The following PAQR9 variants were observed in gnomAD, a reference collection of about 807,000 sequenced individuals.
The protein encoded by PAQR9 is membrane progestin receptor epsilon.
Under a neutral mutation model 24.0 loss-of-function variants are expected in PAQR9, and 12 were observed. The ratio of observed to expected loss-of-function variants is 0.50; its 90% CI spans 0.32 to 0.81. PAQR9 has a LOEUF of 0.81. Among genes scored for constraint, PAQR9 ranks in the 30% least tolerant of loss-of-function variants. The pLI is 0.03. For synonymous variants in PAQR9, 266 were observed against 237.6 expected, an observed-to-expected ratio of 1.12 and a Z score of -1.10; for missense variants, 418 against 520.8, an observed-to-expected ratio of 0.80 and a Z score of 1.92.
Position 142,962,533 on chromosome 3 carries a change from C to T in PAQR9, c.804G>A (p.Gly268=). 1.9e-6 allele frequency: 3 copies of T among 1,613,662 alleles called. No homozygotes were observed. Among genetic ancestry groups the T allele is most frequent in the Non-Finnish European group, 2.5e-6 (3 of 1,179,920 alleles). ...MLESWLFDLR[G]ENPTLFVHFY... ...AGTGCACGAAGAGTGTGGGGTTCTC[C>T]CCACGCAGGTCGAAGAGCCAGCTCT... Residue 268 remains glycine, a synonymous_variant, in exon 1 of 1, where the codon GGG becomes GGA. Transcript: ENST00000340634.
At position 142,961,317 on chromosome 3, in the gene PAQR9, A is replaced by G. The variant is rs1254809310; in HGVS notation, c.*886T>C. ...AAAAAAAAGATTAAAAACAAAACAA[A>G]CTAACAAAAACCAGGATGGGTTTTG... On this transcript the variant is annotated 3_prime_UTR_variant, in exon 1 of 1. Coordinates refer to ENST00000340634, the MANE Select transcript of PAQR9 (RefSeq NM_198504.4). 6.6e-6 allele frequency: 1 copy of G among 152,612 alleles called. No homozygotes were observed. Among genetic ancestry groups the G allele is most frequent in the Admixed American group, 6.5e-5 (1 of 15,288 alleles). 9.5% of individuals were successfully genotyped at this position (152,612 alleles called of 1,614,324 possible). A position where few individuals can be genotyped will look rare whatever the true frequency, so the allele number is the denominator to read the frequency against.
chr3:142,963,833 C>A (rs1276134782), upstream of PAQR9: 1 of 985,172 alleles, frequency 1.0e-6, no homozygotes, highest in African/African-American at 1.7e-5. Flanking sequence ...AGAGTTGTCC[C>A]CTGTCTCGAG....
At chr3:142,963,698 T>TCCG (rs970717979), upstream of PAQR9, 65 of 702,128 alleles carry the variant, frequency 9.3e-5, no homozygotes, top group South Asian at 1.4e-3. Context: ...TGCGGGTGCC[T>TCCG]CCGCCGCCGC....
At chr3:142,963,862 C>T (rs1410654662), upstream of PAQR9, 1 of 985,226 alleles carries the variant, frequency 1.0e-6, no homozygotes, top group Non-Finnish European at 1.2e-6. Flanking sequence ...CATCCCCCTC[C>T]TCGGGCCGCC....
At chr3:142,963,783 G>A (rs550995632), upstream of PAQR9, 3 of 978,628 alleles carry the variant, frequency 3.1e-6, no homozygotes, top group African/African-American at 1.8e-5. Context: ...GGAAGGGCGG[G>A]GGCCTCCCAG....
rs757324087 is a variant in PAQR9, at chr3:142,962,610, G to T, written c.727C>A (p.Arg243Ser). 1 of 1,613,470 alleles carries T rather than the reference G, an allele frequency of 6.2e-7. No homozygotes were observed. The highest frequency in any genetic ancestry group is 8.5e-7 in the Non-Finnish European group (1 of 1,179,824). ...TDWCTYPFAL[R>S]TFVFVMPLSM... ...AGCGGCATGACGAAGACGAAGGTGC[G>T]CAGCGCGAACGGGTAGGTACACCAG... The change falls in exon 1 of 1, where the codon CGC becomes AGC. Residue 243 changes from arginine to serine, a missense_variant. This residue lies in a region of PAQR9 where 230 missense variants were observed against 305.2 expected (regional missense o/e 0.75). Coordinates refer to ENST00000340634, the MANE Select transcript of PAQR9 (RefSeq NM_198504.4).
upstream of PAQR9, chr3:142,963,737 C>G (rs957454369): frequency 3.3e-5 from 29 of 880,966 alleles, no homozygotes; most frequent in Non-Finnish European, 3.7e-5. Context: ...TGGGGATGTG[C>G]GAGCCGAGGC....
chr3:142,960,396 A>C lies in PAQR9; in HGVS notation c.*1807T>G, dbSNP rs1249772295. 1 of 152,294 alleles carries C rather than the reference A, an allele frequency of 6.6e-6. No individual in the cohort carries two copies. Among genetic ancestry groups the C allele is most frequent in the African/African-American group, 2.4e-5 (1 of 41,452 alleles). The allele number at this position is 152,294 out of a possible 1,614,324, so 9.4% of individuals were successfully genotyped here. A position where few individuals can be genotyped will look rare whatever the true frequency, so the allele number is the denominator to read the frequency against. On this transcript the variant is annotated 3_prime_UTR_variant, in exon 1 of 1. Coordinates refer to ENST00000340634, the MANE Select transcript of PAQR9 (RefSeq NM_198504.4). ...AATCAAGATGCACCTGTGGGACATGATCATCCTGCCCAAGACCTTCAACTA... is the reference window on the plus strand; with the variant it reads ...AATCAAGATGCACCTGTGGGACATGCTCATCCTGCCCAAGACCTTCAACTA...
In PAQR9 at chr3:142,962,961, C is replaced by T; in HGVS notation, c.376G>A (p.Ala126Thr). Residue 126 changes from alanine (A) to threonine (T), a missense_variant, in exon 1 of 1, where the codon GCG becomes ACG. Coordinates refer to ENST00000340634, the MANE Select transcript of PAQR9 (RefSeq NM_198504.4). ...GCGAAGGTCAGCAGCACTCCCGACG[C>T]GTAGCACCACAACGGTAGCAGCCAC... Reference protein sequence around the residue: ...HPWLLPLWCYASGVLLTFAMS... With the variant: ...HPWLLPLWCYTSGVLLTFAMS... The T allele has an allele frequency of 6.2e-7, 1 of 1,614,070 alleles. No homozygotes were observed. Among genetic ancestry groups the T allele is most frequent in the African/African-American group, 1.3e-5 (1 of 75,058 alleles).
In PAQR9 at chr3:142,962,989, G is replaced by A. The variant is rs1258694535; in HGVS notation, c.348C>T (p.His116=). 6.2e-7 allele frequency: 1 copy of A among 1,614,148 alleles called. No individual in the cohort carries two copies. Among genetic ancestry groups the A allele is most frequent in the Non-Finnish European group, 8.5e-7 (1 of 1,180,010 alleles). The change falls in exon 1 of 1, where the codon CAC becomes CAT. Residue 116 remains histidine, a synonymous_variant. Coordinates refer to ENST00000340634, the MANE Select transcript of PAQR9 (RefSeq NM_198504.4). ...FLSGGDVPFH[H]PWLLPLWCYA... is the part of the protein sequence containing the mutation. ...AGCACCACAACGGTAGCAGCCACGGGTGGTGGAAGGGCACGTCGCCGCCGC... is the reference window on the plus strand; with the variant it reads ...AGCACCACAACGGTAGCAGCCACGGATGGTGGAAGGGCACGTCGCCGCCGC...
At chr3:142,950,176 G>A (rs1274298033), downstream of PAQR9, 1 of 152,088 alleles carries the variant, frequency 6.6e-6, no homozygotes, top group African/African-American at 2.4e-5. Flanking sequence ...CAACATCCCT[G>A]TCATATCTGA....
Position 142,955,835 on chromosome 3 carries a change from A to G in PAQR9, c.*6368T>C, listed in dbSNP as rs1934783273. On this transcript the variant is annotated 3_prime_UTR_variant, in exon 1 of 1. Coordinates refer to ENST00000340634, the MANE Select transcript of PAQR9 (RefSeq NM_198504.4). Reference sequence around the variant, plus strand: ...TTTAAAAAGACTTTTAAATTTAGCCATGAGACACACCTAAAACCTATCTCA... The same window carrying G: ...TTTAAAAAGACTTTTAAATTTAGCCGTGAGACACACCTAAAACCTATCTCA... Among the ~76,000 whole-genome samples the G allele has an allele frequency of 6.6e-6, 1 of 152,250 alleles. No individual in the cohort carries two copies. The highest frequency in any genetic ancestry group is 6.5e-5 in the Admixed American group (1 of 15,288).
In PAQR9 at chr3:142,956,134, C is replaced by T. The variant is rs1412010797; in HGVS notation, c.*6069G>A. ...CAGGAATTTTATTTTTTGCATCCAGCATATTAAAAACAGATTATGCTTTCC... is the reference window on the plus strand; with the variant it reads ...CAGGAATTTTATTTTTTGCATCCAGTATATTAAAAACAGATTATGCTTTCC... On this transcript the variant is annotated 3_prime_UTR_variant, in exon 1 of 1. Transcript: ENST00000340634. 6.6e-6 allele frequency among the ~76,000 whole-genome samples: 1 copy of T among 152,072 alleles called. No homozygotes were observed. The highest frequency in any genetic ancestry group is 2.4e-5 in the African/African-American group (1 of 41,410).
chr3:142,958,891 A>C lies in PAQR9; in HGVS notation c.*3312T>G, dbSNP rs1421322631. 6.6e-6 allele frequency among the ~76,000 whole-genome samples: 1 copy of C among 152,208 alleles called. No homozygotes were observed. Among genetic ancestry groups the C allele is most frequent in the African/African-American group, 2.4e-5 (1 of 41,458 alleles). On this transcript the variant is annotated 3_prime_UTR_variant, in exon 1 of 1. Transcript: ENST00000340634. ...AGGTCATCCTCTTCACCTGAGCTGC[A>C]AGAACGGCAGGGAAGAAAGGAACCC...
In PAQR9 at chr3:142,962,583, T is replaced by A; in HGVS notation, c.754A>T (p.Ser252Cys). The change falls in exon 1 of 1, where the codon AGC becomes TGC. Residue 252 changes from serine to cysteine, a missense_variant. Around this residue, in one of 3 missense-constraint regions of PAQR9, gnomAD observed 230 missense variants for 305.2 expected, o/e 0.75. Coordinates refer to ENST00000340634, the MANE Select transcript of PAQR9 (RefSeq NM_198504.4). ...LRTFVFVMPLSMACPIMLESW... is the reference protein window; with the variant it reads ...LRTFVFVMPLCMACPIMLESW... ...TCGAGCATAATGGGGCAGGCCATGCTGAGCGGCATGACGAAGACGAAGGTG... is the reference window on the plus strand; with the variant it reads ...TCGAGCATAATGGGGCAGGCCATGCAGAGCGGCATGACGAAGACGAAGGTG... The A allele has an allele frequency of 6.2e-7, 1 of 1,614,002 alleles. No homozygotes were observed. The highest frequency in any genetic ancestry group is 8.5e-7 in the Non-Finnish European group (1 of 1,180,004).
chr3:142,955,783 A>T lies in PAQR9; in HGVS notation c.*6420T>A, dbSNP rs1934782831. On this transcript the variant is annotated 3_prime_UTR_variant, in exon 1 of 1. Coordinates refer to ENST00000340634, the MANE Select transcript of PAQR9 (RefSeq NM_198504.4). ...TGTGCTAGGTTTTGCTGGAAGAGGG[A>T]ATTTAATAAAGTTTCTAACCAGAAT... is the stretch of plus-strand genomic sequence containing the variant. 1.3e-5 allele frequency among the ~76,000 whole-genome samples: 2 copies of T among 152,190 alleles called. No homozygotes were observed.
In PAQR9 at chr3:142,962,077, A is replaced by G. The variant is rs915764931; in HGVS notation, c.*126T>C. 1.7e-6 allele frequency: 2 copies of G among 1,164,992 alleles called. No homozygotes were observed. Among genetic ancestry groups the G allele is most frequent in the Admixed American group, 2.1e-5 (1 of 47,110 alleles). The allele number at this position is 1,164,992 out of a possible 1,614,324, so 72.2% of individuals were successfully genotyped here. A position where few individuals can be genotyped will look rare whatever the true frequency, so the allele number is the denominator to read the frequency against. ...CTTTGTAGCAGTGAACTTTTTCCCT[A>G]TGGTTTTGCAGCACCTTCCTTGAGC... is the stretch of plus-strand genomic sequence containing the variant. On this transcript the variant is annotated 3_prime_UTR_variant, in exon 1 of 1. Coordinates refer to ENST00000340634, the MANE Select transcript of PAQR9 (RefSeq NM_198504.4).
At position 142,962,485 on chromosome 3, in the gene PAQR9, C is replaced by G. The variant is rs1239559925; in HGVS notation, c.852G>C (p.Leu284=). 1.2e-6 allele frequency: 2 copies of G among 1,613,304 alleles called. No individual in the cohort carries two copies. The highest frequency in any genetic ancestry group is 1.7e-6 in the Non-Finnish European group (2 of 1,179,736). Residue 284 remains leucine (L), a synonymous_variant, in exon 1 of 1, where the codon CTG becomes CTC. Transcript: ENST00000340634. ...FVHFYRRYFW[L]VVAAFFNVSK... ...TCACGTTGAAGAAGGCGGCCACCAC[C>G]AGCCAGAAGTAGCGGCGGTAGAAGT...
chr3:142,962,595 C>G lies in PAQR9; in HGVS notation c.742G>C (p.Val248Leu), dbSNP rs764191965. The change falls in exon 1 of 1, where the codon GTC becomes CTC. Residue 248 changes from valine (V) to leucine (L), a missense_variant. By Grantham distance (32) the Val-to-Leu change is conservative. Around this residue, in one of 3 missense-constraint regions of PAQR9, gnomAD observed 230 missense variants for 305.2 expected, o/e 0.75. Transcript: ENST00000340634. ...YPFALRTFVF[V>L]MPLSMACPIM... ...GGGCAGGCCATGCTGAGCGGCATGA[C>G]GAAGACGAAGGTGCGCAGCGCGAAC... The G allele has an allele frequency of 1.2e-6, 2 of 1,613,858 alleles. No individual in the cohort carries two copies. The highest frequency in any genetic ancestry group is 2.2e-5 in the South Asian group (2 of 91,058).
Sources: allele counts gnomAD v4.1 joint callset (sites outside exome capture counted in the v4.1 genomes callset), GRCh38; gene constraint gnomAD v4.1.1; regional missense constraint gnomAD v4.1.1; transcripts MANE v1.5; gene names NCBI Gene and HGNC (gene_info 2026-07-23, HGNC 2026-07-21).